NTM: variants seen among roughly 807,000 people sequenced by gnomAD.
The protein encoded by NTM is neurotrimin, also known as IgLON family member 2.
In NTM, 13 loss-of-function variants were observed where a neutral mutation model predicts 42.1. The ratio of observed to expected loss-of-function variants is 0.31; its 90% CI spans 0.20 to 0.49. NTM has a LOEUF of 0.49. Among genes scored for constraint, NTM ranks in the 20% least tolerant of loss-of-function variants. NTM has a pLI of 0.99. For synonymous variants in NTM, 187 were observed against 179.2 expected (o/e 1.04, Z -0.35); for missense variants, 373 against 452.8 (o/e 0.82, Z 1.60).
At chr11:131,588,835 G>A (rs1226172538) in intron 1 of NTM, among the ~76,000 whole-genome samples, 1 of 152,214 alleles carries the variant, frequency 6.6e-6, no homozygotes, top group Non-Finnish European at 1.5e-5. Context: ...GTTAAATGGG[G>A]TAAAGACATT....
chr11:132,229,416 T>G (rs2086994584), intron 4 of NTM, among the ~76,000 whole-genome samples: 1 of 152,162 alleles, frequency 6.6e-6, no homozygotes, highest in South Asian at 2.1e-4. Flanking sequence ...AACAAGAAAA[T>G]TCAAGATGAA....
chr11:131,954,298 T>G (rs1368955472), intron 2 of NTM, among the ~76,000 whole-genome samples: 1 of 152,188 alleles, frequency 6.6e-6, no homozygotes, highest in Non-Finnish European at 1.5e-5. Flanking sequence ...AGGGCTAGCC[T>G]GCTGCTCTGA....
intron 1 of NTM, among the ~76,000 whole-genome samples, chr11:131,811,910 C>CT (rs1416183390): frequency 6.6e-6 from 1 of 152,166 alleles, no homozygotes; most frequent in Non-Finnish European, 1.5e-5. Context: ...TAATCTACAT[C>CT]TTTTATAAGG....
At chr11:131,722,341 T>A (rs1398811643) in intron 1 of NTM, among the ~76,000 whole-genome samples, 3 of 152,206 alleles carry the variant, frequency 2.0e-5, no homozygotes, top group Non-Finnish European at 4.4e-5. Context: ...GAGTGAACTA[T>A]TTGGCTTGCA....
chr11:131,792,352 C>T (rs1001821236), intron 1 of NTM, among the ~76,000 whole-genome samples: 3 of 151,806 alleles, frequency 2.0e-5, no homozygotes, highest in African/African-American at 7.3e-5. Flanking sequence ...GTTTTCTGTT[C>T]CTTTGCCTGC....
intron 2 of NTM, among the ~76,000 whole-genome samples, chr11:131,932,650 T>A (rs944715686): frequency 7.9e-5 from 12 of 152,126 alleles, no homozygotes; most frequent in Non-Finnish European, 8.8e-5. Context: ...AGACAAGGAA[T>A]AGGAGATGAT....
At chr11:132,064,889 C>T (rs1253914021) in intron 2 of NTM, among the ~76,000 whole-genome samples, 1 of 152,136 alleles carries the variant, frequency 6.6e-6, no homozygotes, top group Admixed American at 6.5e-5. Context: ...ATTGGTTTTC[C>T]AGAACATGAT....
intron 2 of NTM, among the ~76,000 whole-genome samples, chr11:132,139,691 A>G (rs1396242587): frequency 2.6e-5 from 4 of 152,148 alleles, no homozygotes; most frequent in Non-Finnish European, 5.9e-5. Context: ...AGATGTGTGC[A>G]TTTGTATTTG....
At chr11:131,469,174 C>G (rs904230376) in intron 1 of NTM, among the ~76,000 whole-genome samples, 2 of 152,206 alleles carry the variant, frequency 1.3e-5, no homozygotes, top group African/African-American at 4.8e-5. Context: ...CCCCTCCCCA[C>G]CCACTGCCAC....
chr11:132,315,604 A>C (rs1369557921), intron 7 of NTM, among the ~76,000 whole-genome samples: 1 of 152,166 alleles, frequency 6.6e-6, no homozygotes, highest in Non-Finnish European at 1.5e-5. Context: ...TTTGACAGAT[A>C]ATTTGCAAGA....
At chr11:131,650,731 A>G (rs2066375311) in intron 1 of NTM, among the ~76,000 whole-genome samples, 1 of 152,176 alleles carries the variant, frequency 6.6e-6, no homozygotes, top group South Asian at 2.1e-4. Context: ...CCCCAGAGGA[A>G]ATGAGCTTAA....
intron 2 of NTM, among the ~76,000 whole-genome samples, chr11:131,985,947 GC>G (rs780666111): frequency 5.9e-5 from 9 of 152,094 alleles, no homozygotes; most frequent in Non-Finnish European, 1.2e-4. Flanking sequence ...ACCTCCCTCC[GC>G]CCTCTAGGCA....
intron 2 of NTM, among the ~76,000 whole-genome samples, chr11:131,978,716 C>T (rs1321032889): frequency 4.6e-5 from 7 of 152,294 alleles, no homozygotes; most frequent in East Asian, 1.9e-4. Flanking sequence ...TACCAAAATA[C>T]GTTTCCTTAG....
At chr11:132,290,383 A>G (rs2094416480) in intron 4 of NTM, among the ~76,000 whole-genome samples, 2 of 152,098 alleles carry the variant, frequency 1.3e-5, no homozygotes, top group Non-Finnish European at 2.9e-5. Flanking sequence ...GAGTAATAGG[A>G]AATAGGGCTA....
chr11:131,378,204 G>T (rs931857059), intron 1 of NTM, among the ~76,000 whole-genome samples: 4 of 152,214 alleles, frequency 2.6e-5, no homozygotes, highest in African/African-American at 9.6e-5. Flanking sequence ...AGGTTGAAAA[G>T]TGTACCTCTA....
intron 4 of NTM, among the ~76,000 whole-genome samples, chr11:132,248,248 A>C (rs147811094): frequency 6.6e-6 from 1 of 152,136 alleles, no homozygotes; most frequent in Non-Finnish European, 1.5e-5. Context: ...TTGAGATAAT[A>C]ATAGTCTTTT....
chr11:132,203,724 T>C (rs1193867492), intron 3 of NTM, among the ~76,000 whole-genome samples: 1 of 152,106 alleles, frequency 6.6e-6, no homozygotes, highest in African/African-American at 2.4e-5. Context: ...ACCCTGTCTC[T>C]ACTAAAAATA....
At chr11:132,217,432 A>C (rs932514810) in intron 4 of NTM, among the ~76,000 whole-genome samples, 63 of 137,872 alleles carry the variant, frequency 4.6e-4, no homozygotes, top group African/African-American at 1.6e-3. Context: ...TGTGTTTCTC[A>C]GGTTCTCTCT....
chr11:132,002,106 A>C lies in NTM; in HGVS notation c.167+90458A>C, dbSNP rs894202290. On this transcript the variant is annotated intron_variant, in intron 2 of 8. Transcript: ENST00000683400. This position sits in a 1 kb window ranked among gnomAD's most constrained non-coding sequence, Gnocchi z 4.5. ...TGGAGAGTTGATGCTGTCCATGGCA[A>C]CCGGGGCTGGAAATTATGCTGCCTG... Among the ~76,000 whole-genome samples, 15 of 152,284 alleles carry C rather than the reference A, an allele frequency of 9.9e-5. No homozygotes were observed. Among genetic ancestry groups the C allele is most frequent in the African/African-American group, 2.9e-4 (12 of 41,556 alleles).
Sources: gnomAD v4.1 joint callset for allele counts (sites outside exome capture counted in the v4.1 genomes callset) on GRCh38, gnomAD v4.1.1 for gene constraint, Gnocchi (gnomAD v3.1) non-coding constraint, MANE v1.5 for transcripts, NCBI Gene and HGNC (gene_info 2026-07-23, HGNC 2026-07-21) for gene names.